The following CFAP54 variants were observed in gnomAD, a reference collection of about 807,000 sequenced individuals.
CFAP54 encodes cilia- and flagella-associated protein 54.
Under a neutral mutation model 370.4 loss-of-function variants are expected in CFAP54, and 290 were observed. That is an observed-to-expected ratio of 0.78 (90% CI 0.71 to 0.86). The LOEUF is 0.86. Ranked by LOEUF, CFAP54 falls within the 40% of genes least tolerant of loss-of-function variation. CFAP54 has a pLI of 0.00. For missense variants in CFAP54, 3,399 were observed against 3,528.7 expected (o/e 0.96, Z 0.93); for synonymous variants, 1,206 against 1,236.5 (o/e 0.98, Z 0.52).
At chr12:96,744,192 T>A in intron 55 of CFAP54, 46 bp downstream of exon 55, 2 of 1,515,532 alleles carry the variant, frequency 1.3e-6, no homozygotes, top group East Asian at 2.3e-5. Flanking sequence ...CTGATAAAAC[T>A]TTTTAAGTTA....
At chr12:96,527,665 C>T (rs1592833095) in intron 9 of CFAP54, among the ~76,000 whole-genome samples, 1 of 151,764 alleles carries the variant, frequency 6.6e-6, no homozygotes, top group Non-Finnish European at 1.5e-5. Flanking sequence ...ACTTCCTGGG[C>T]TCAAGTGATC....
At chr12:96,644,029 C>G (rs1431627816) in intron 32 of CFAP54, 149 bp from the exon 33 acceptor site, 2 of 625,482 alleles carry the variant, frequency 3.2e-6, no homozygotes, top group Non-Finnish European at 5.5e-6. Flanking sequence ...ATATTTCTAG[C>G]ACTGCAGAAA....
chr12:96,535,547 G>C lies in CFAP54; in HGVS notation c.1738G>C (p.Asp580His). 6.5e-7 allele frequency: 1 copy of C among 1,535,958 alleles called. No homozygotes were observed. The highest frequency in any genetic ancestry group is 1.2e-5 in the South Asian group (1 of 84,020). The change falls in exon 12 of 68, where the codon GAT (aspartate) becomes CAT (histidine). Residue 580 changes from aspartate (D) to histidine (H), a missense_variant. Physicochemically the swap from Asp to His is moderately conservative, Grantham distance 81 (BLOSUM62 -1). Around this residue, in one of 3 missense-constraint regions of CFAP54, gnomAD observed 2,796 missense variants for 2,869.7 expected, o/e 0.97. Transcript: ENST00000524981. ...TTTGAAGACTTGTGGATATTCAGAG[G>C]ATATTTTCCATTTGGCAGCAACCTT... ...TCLKTCGYSE[D>H]IFHLAATLYV...
chr12:96,792,406 A>G lies in CFAP54; in HGVS notation c.8757A>G (p.Pro2919=), dbSNP rs1407960628. 6.5e-7 allele frequency: 1 copy of G among 1,535,856 alleles called. No homozygotes were observed. The highest frequency in any genetic ancestry group is 8.7e-7 in the Non-Finnish European group (1 of 1,146,794). Residue 2919 remains proline (P), a synonymous_variant, in exon 63 of 68, where the codon CCA becomes CCG. Transcript: ENST00000524981. ...VSGSSCVDIT[P]IEMVTQASNK... ...GCTCATCTTGTGTGGACATAACGCCAATAGAAATGGTAACGCAAGCTTCAA... is the reference window on the plus strand; with the variant it reads ...GCTCATCTTGTGTGGACATAACGCCGATAGAAATGGTAACGCAAGCTTCAA...
intron 3 of CFAP54, among the ~76,000 whole-genome samples, chr12:96,505,729 C>T (rs1284410840): frequency 6.6e-6 from 1 of 152,236 alleles, no homozygotes; most frequent in East Asian, 1.9e-4. Flanking sequence ...TCTCGAACTC[C>T]TGACCTCAAG....
At chr12:96,530,611 T>C (rs1184920135) in intron 9 of CFAP54, among the ~76,000 whole-genome samples, 1 of 152,240 alleles carries the variant, frequency 6.6e-6, no homozygotes, top group East Asian at 1.9e-4. Context: ...AGTTTTTGGC[T>C]ACTAGAAATA....
chr12:96,513,574 TTACAAAAAA>T (rs895413091), intron 5 of CFAP54, among the ~76,000 whole-genome samples: 1 of 151,896 alleles, frequency 6.6e-6, no homozygotes, highest in African/African-American at 2.4e-5. Context: ...AACCCCGTCT[TTACAAAAAA>T]TACAAAAATT....
intron 58 of CFAP54, among the ~76,000 whole-genome samples, chr12:96,760,694 A>G (rs11108679): frequency 0.36 from 55,112 of 151,884 alleles, 10,721 homozygotes; most frequent in East Asian, 0.58. Context: ...CGCCATGCCC[A>G]GCTAATAGAA....
intron 8 of CFAP54, 73 bp downstream of exon 8, chr12:96,522,262 A>C (rs1302005689): frequency 7.1e-6 from 7 of 988,794 alleles, no homozygotes; most frequent in Non-Finnish European, 1.0e-5. Flanking sequence ...TATGTCTTTC[A>C]AGCCTAGTCA....
intron 27 of CFAP54, 88 bp downstream of exon 27, chr12:96,621,809 T>A: frequency 1.0e-6 from 1 of 983,270 alleles, no homozygotes; most frequent in Non-Finnish European, 1.3e-6. Flanking sequence ...ATTAGAAAAT[T>A]GGTAAGTTTT....
At chr12:96,731,738 C>G (rs1012750748) in intron 50 of CFAP54, among the ~76,000 whole-genome samples, 4 of 152,068 alleles carry the variant, frequency 2.6e-5, no homozygotes, top group Admixed American at 2.0e-4. Context: ...CTCTATAACT[C>G]AGGGAGACAA....
chr12:96,796,229 G>A (rs1353892423), intron 63 of CFAP54, among the ~76,000 whole-genome samples: 1 of 152,182 alleles, frequency 6.6e-6, no homozygotes, highest in East Asian at 1.9e-4. Context: ...GTTCTTGTGA[G>A]TCTCCACAGG....
intron 32 of CFAP54, among the ~76,000 whole-genome samples, chr12:96,634,092 G>T (rs1956638874): frequency 2.2e-5 from 2 of 89,062 alleles, no homozygotes; most frequent in South Asian, 7.9e-4. Context: ...GTCTCACTCT[G>T]TTGCCCAGGC....
chr12:96,648,772 T>C (rs1956826852), intron 34 of CFAP54, among the ~76,000 whole-genome samples: 1 of 151,884 alleles, frequency 6.6e-6, no homozygotes, highest in Admixed American at 6.6e-5. Flanking sequence ...GTATTTTTAG[T>C]AAAGACGGGG....
chr12:96,783,609 G>A (rs1323283532), intron 60 of CFAP54, among the ~76,000 whole-genome samples: 3 of 152,258 alleles, frequency 2.0e-5, no homozygotes, highest in East Asian at 3.9e-4. Flanking sequence ...GTAAGAGGTC[G>A]GGCGCAGTGG....
chr12:96,670,987 A>G (rs1957139058), intron 39 of CFAP54, among the ~76,000 whole-genome samples: 1 of 151,650 alleles, frequency 6.6e-6, no homozygotes. Context: ...TTATTTTTTT[A>G]TTTATTTATT....
chr12:96,581,714 A>G (rs1449001500), intron 22 of CFAP54, among the ~76,000 whole-genome samples: 1 of 151,930 alleles, frequency 6.6e-6, no homozygotes, highest in Non-Finnish European at 1.5e-5. Flanking sequence ...GTGTATATGA[A>G]TTTATGTACA....
At chr12:96,499,358 T>C (rs990078941) in intron 1 of CFAP54, among the ~76,000 whole-genome samples, 1 of 151,996 alleles carries the variant, frequency 6.6e-6, no homozygotes, top group African/African-American at 2.4e-5. Context: ...AATAAACATA[T>C]GAAAATATGC....
chr12:96,608,308 T>TACACACAC (rs5800256), intron 26 of CFAP54, among the ~76,000 whole-genome samples: 1 of 150,682 alleles, frequency 6.6e-6, no homozygotes, highest in Non-Finnish European at 1.5e-5. Flanking sequence ...CATATATATA[T>TACACACAC]ACACACACAC....
Sources: gnomAD v4.1 joint callset for allele counts (sites outside exome capture counted in the v4.1 genomes callset) on GRCh38, gnomAD v4.1.1 for gene constraint, gnomAD v4.1.1 regional missense constraint, MANE v1.5 for transcripts, NCBI Gene and HGNC (gene_info 2026-07-23, HGNC 2026-07-21) for gene names.